SCAMP2: variants seen among roughly 807,000 people sequenced by gnomAD.
SCAMP2 encodes the protein secretory carrier membrane protein 2, also known as secretory carrier-associated membrane protein 2.
A neutral mutation model predicts 44.1 loss-of-function variants in SCAMP2; 25 were observed. The observed-to-expected ratio is 0.57, with a 90% CI of 0.41 to 0.79. The LOEUF (loss-of-function observed/expected upper bound fraction) is 0.79, where lower values mean the gene tolerates loss of function less well. Ranked by LOEUF, SCAMP2 falls within the 30% of genes least tolerant of loss-of-function variation. The probability of loss-of-function intolerance (pLI) is 0.00; values close to 1 mark genes in which losing one functional copy is unlikely to be tolerated. For synonymous variants in SCAMP2, 156 were observed against 166.0 expected (o/e 0.94, Z 0.46); for missense variants, 355 against 411.0 (o/e 0.86, Z 1.18).
intron 2 of SCAMP2, 78 bp from the exon 3 acceptor site, chr15:74,854,197 T>G (rs944635564): frequency 3.2e-6 from 4 of 1,250,222 alleles, no homozygotes; most frequent in Non-Finnish European, 4.7e-6. Flanking sequence ...CACAGCAGGA[T>G]GAGTGATGTG....
At chr15:74,869,292 G>T (rs1400399005) in intron 1 of SCAMP2, among the ~76,000 whole-genome samples, 1 of 150,908 alleles carries the variant, frequency 6.6e-6, no homozygotes, top group Non-Finnish European at 1.5e-5. Context: ...AAAAGCCCAA[G>T]AATTGTTCTC....
chr15:74,869,758 T>A (rs2064563197), intron 1 of SCAMP2, among the ~76,000 whole-genome samples: 1 of 152,208 alleles, frequency 6.6e-6, no homozygotes, highest in East Asian at 1.9e-4. Context: ...CAATCCACCA[T>A]TTCTGTCACT....
Position 74,855,174 on chromosome 15 carries a change from G to A in SCAMP2, c.58-525C>T, listed in dbSNP as rs1280697187. 1.4e-4 allele frequency among the ~76,000 whole-genome samples: 21 copies of A among 151,898 alleles called. 1 individual carries two copies. Among genetic ancestry groups the A allele is most frequent in the Admixed American group, 1.3e-3 (20 of 15,264 alleles). On this transcript the variant is annotated intron_variant, in intron 1 of 8. Coordinates refer to ENST00000268099, the MANE Select transcript of SCAMP2 (RefSeq NM_005697.5). ...GCTGGAGTGCAGTGGCGCAATCTTG[G>A]CTCACTGCAACCTTCGCCTCCTGGG...
chr15:74,868,237 C>T (rs1208517547), intron 1 of SCAMP2, among the ~76,000 whole-genome samples: 2 of 152,220 alleles, frequency 1.3e-5, no homozygotes, highest in African/African-American at 4.8e-5. Flanking sequence ...TCTTAACTTC[C>T]CATTCACAGC....
At chr15:74,845,853 TCA>T (rs2064395777) in intron 7 of SCAMP2, among the ~76,000 whole-genome samples, 2 of 152,330 alleles carry the variant, frequency 1.3e-5, no homozygotes, top group South Asian at 4.1e-4. Context: ...GTTGCTGCCT[TCA>T]CAGAGTCAGA....
chr15:74,853,124 A>G (rs781365458), intron 3 of SCAMP2: 48 of 296,948 alleles, frequency 1.6e-4, no homozygotes, highest in Admixed American at 5.2e-4. Flanking sequence ...AGTTTCAGGC[A>G]CTGGGGGCGG....
chr15:74,871,151 A>G (rs964526420), intron 1 of SCAMP2, among the ~76,000 whole-genome samples: 2 of 152,162 alleles, frequency 1.3e-5, no homozygotes, highest in African/African-American at 4.8e-5. Flanking sequence ...GAAAGGCAGA[A>G]AGGTGTGGGC....
rs573351804 is a variant in SCAMP2 at position 74,867,373 on chromosome 15, T to C, written c.57+5826A>G. Among the ~76,000 whole-genome samples the C allele has an allele frequency of 9.2e-5, 14 of 152,362 alleles. No homozygotes were observed. The South Asian group carries it at 1.7e-3, about 18-fold the overall frequency. ...TACCCCAAGTGTTTCCAAAGAAGAC[T>C]TAACGGAAGAGTCAAAGTTCACCTA... On this transcript the variant is annotated intron_variant, in intron 1 of 8. Coordinates refer to ENST00000268099, the MANE Select transcript of SCAMP2 (RefSeq NM_005697.5).
intron 1 of SCAMP2, among the ~76,000 whole-genome samples, chr15:74,866,605 G>A (rs898467256): frequency 4.3e-4 from 65 of 152,010 alleles, no homozygotes; most frequent in African/African-American, 1.5e-3. Context: ...CCAGCTACTC[G>A]GGAGTGTGAC....
At chr15:74,862,850 CCATA>C (rs1443973029) in intron 1 of SCAMP2, among the ~76,000 whole-genome samples, 2 of 34,234 alleles carry the variant, frequency 5.8e-5, no homozygotes, top group Non-Finnish European at 1.4e-4. Context: ...AAAAAACAAA[CCATA>C]CACACACACA....
intron 1 of SCAMP2, among the ~76,000 whole-genome samples, chr15:74,871,232 T>C (rs983358136): frequency 5.9e-5 from 9 of 152,232 alleles, no homozygotes; most frequent in South Asian, 2.1e-4. Flanking sequence ...GGCCAGAGGA[T>C]TGCTTGAGAC....
intron 1 of SCAMP2, among the ~76,000 whole-genome samples, chr15:74,862,853 TACAC>T (rs112611741): frequency 0.24 from 21,188 of 87,150 alleles, 2,092 homozygotes; most frequent in East Asian, 0.33. Flanking sequence ...AAACAAACCA[TACAC>T]ACACACACAC....
intron 7 of SCAMP2, among the ~76,000 whole-genome samples, chr15:74,847,113 A>AT (rs2064404902): frequency 1.1e-5 from 1 of 93,840 alleles, no homozygotes; most frequent in East Asian, 3.5e-4. Context: ...TTTTTTTGAG[A>AT]TTGAGTCTTG....
intron 7 of SCAMP2, among the ~76,000 whole-genome samples, chr15:74,846,836 C>T (rs527610442): frequency 6.6e-6 from 1 of 152,200 alleles, no homozygotes; most frequent in South Asian, 2.1e-4. Context: ...GTATGGAAAG[C>T]GTGGCTGCTC....
intron 1 of SCAMP2, among the ~76,000 whole-genome samples, chr15:74,865,267 G>T (rs1307017638): frequency 6.6e-6 from 1 of 151,534 alleles, no homozygotes; most frequent in South Asian, 2.1e-4. Context: ...TGTAGTCCCA[G>T]CTACTTGGGA....
chr15:74,872,251 A>C (rs1287012742), intron 1 of SCAMP2, among the ~76,000 whole-genome samples: 14 of 152,116 alleles, frequency 9.2e-5, no homozygotes. Context: ...CGTCTCTACT[A>C]AAAGTATGAA....
chr15:74,855,046 T>C (rs2064459549), intron 1 of SCAMP2, among the ~76,000 whole-genome samples: 2 of 151,612 alleles, frequency 1.3e-5, no homozygotes, highest in African/African-American at 2.4e-5. Flanking sequence ...AGACTTACTA[T>C]TGACTTTATA....
chr15:74,870,397 CTT>C (rs1486361646), intron 1 of SCAMP2, among the ~76,000 whole-genome samples: 1 of 152,128 alleles, frequency 6.6e-6, no homozygotes, highest in Non-Finnish European at 1.5e-5. Flanking sequence ...CAGCAGCAGA[CTT>C]TTTATTTCTG....
At chr15:74,856,890 C>T (rs1364751232) in intron 1 of SCAMP2, among the ~76,000 whole-genome samples, 1 of 152,108 alleles carries the variant, frequency 6.6e-6, no homozygotes, top group African/African-American at 2.4e-5. Flanking sequence ...GCCACCTTGC[C>T]CTGTCCAGAT....
Sources: allele counts gnomAD v4.1 joint callset (sites outside exome capture counted in the v4.1 genomes callset), GRCh38; gene constraint gnomAD v4.1.1; transcripts MANE v1.5; gene names NCBI Gene and HGNC (gene_info 2026-07-23, HGNC 2026-07-21).